Variants in RETREG1 observed in about 807,000 individuals in gnomAD.
The protein encoded by RETREG1 is reticulophagy regulator 1.
A neutral mutation model predicts 54.8 loss-of-function variants in RETREG1; 44 were observed. That is an observed-to-expected ratio of 0.80 (90% CI 0.63 to 1.03). RETREG1 has a LOEUF of 1.03. Ranked by LOEUF, RETREG1 falls within the 50% of genes least tolerant of loss-of-function variation. RETREG1 has a pLI of 0.00. For missense variants in RETREG1, 554 were observed against 605.1 expected (o/e 0.92, Z 0.89); for synonymous variants, 217 against 238.5 (o/e 0.91, Z 0.83).
At chr5:16,518,965 T>C (rs1482630283) in intron 3 of RETREG1, among the ~76,000 whole-genome samples, 1 of 152,070 alleles carries the variant, frequency 6.6e-6, no homozygotes, top group Admixed American at 6.6e-5. Context: ...GAAATAAGGG[T>C]ATGGAACTAG....
chr5:16,489,689 T>C (rs1270996467), intron 3 of RETREG1, among the ~76,000 whole-genome samples: 1 of 152,246 alleles, frequency 6.6e-6, no homozygotes, highest in Non-Finnish European at 1.5e-5. Flanking sequence ...GAGGGTTGAC[T>C]AAGGCACAGC....
intron 3 of RETREG1, among the ~76,000 whole-genome samples, chr5:16,523,282 C>T (rs575019426): frequency 2.0e-5 from 3 of 152,248 alleles, no homozygotes; most frequent in Admixed American, 6.5e-5. Flanking sequence ...TTCCAGGATA[C>T]CCAGATACCC....
intron 1 of RETREG1, among the ~76,000 whole-genome samples, chr5:16,607,957 G>C (rs1034641493): frequency 4.0e-5 from 6 of 151,740 alleles, no homozygotes; most frequent in Non-Finnish European, 8.8e-5. Flanking sequence ...TCAGCTCACT[G>C]CAACCTCTAC....
chr5:16,548,512 C>T (rs1481328601), intron 3 of RETREG1, among the ~76,000 whole-genome samples: 1 of 152,046 alleles, frequency 6.6e-6, no homozygotes, highest in African/African-American at 2.4e-5. Flanking sequence ...AATAAATGTG[C>T]ATTGTATGAC....
intron 5 of RETREG1, among the ~76,000 whole-genome samples, chr5:16,480,722 G>T (rs149468912): frequency 6.6e-6 from 1 of 152,040 alleles, no homozygotes; most frequent in African/African-American, 2.4e-5. Flanking sequence ...AAAGGTGTTG[G>T]TGTGTTTTTG....
chr5:16,539,249 G>A (rs1418968830), intron 3 of RETREG1, among the ~76,000 whole-genome samples: 2 of 152,304 alleles, frequency 1.3e-5, no homozygotes, highest in East Asian at 3.9e-4. Context: ...GATGAGCCTG[G>A]AGGAAATAAA....
At chr5:16,500,511 C>G (rs764630212) in intron 3 of RETREG1, among the ~76,000 whole-genome samples, 18 of 152,090 alleles carry the variant, frequency 1.2e-4, no homozygotes, top group Non-Finnish European at 2.5e-4. Context: ...TACACACTTG[C>G]TAGAGGAGAG....
Position 16,475,158 on chromosome 5 carries a change from T to C in RETREG1, c.1077A>G (p.Thr359=), listed in dbSNP as rs1281713280. ...CAAGGCTTAATTCATCTTCATCATTTGTTCCCATGCCATTTTCTAGAGATG... is the reference window on the plus strand; with the variant it reads ...CAAGGCTTAATTCATCTTCATCATTCGTTCCCATGCCATTTTCTAGAGATG... ...DFPSLENGMG[T]NDEDELSLGL... is the part of the protein sequence containing the mutation. The change falls in exon 9 of 9, where the codon ACA becomes ACG. Residue 359 remains threonine, a synonymous_variant. Coordinates refer to ENST00000306320, the MANE Select transcript of RETREG1 (RefSeq NM_001034850.3). 4.3e-6 allele frequency: 7 copies of C among 1,613,874 alleles called. No individual in the cohort carries two copies. The highest frequency in any genetic ancestry group is 5.9e-6 in the Non-Finnish European group (7 of 1,179,944).
chr5:16,615,918 A>C (rs1176968357), intron 1 of RETREG1: 1 of 152,278 alleles, frequency 6.6e-6, no homozygotes, highest in Non-Finnish European at 1.5e-5. Flanking sequence ...AACGGATGAC[A>C]GGACACCACT....
intron 3 of RETREG1, among the ~76,000 whole-genome samples, chr5:16,545,003 T>C (rs1741347941): frequency 6.6e-6 from 1 of 152,232 alleles, no homozygotes; most frequent in Non-Finnish European, 1.5e-5. Context: ...AAATACATTT[T>C]ACTAAAAATA....
intron 3 of RETREG1, among the ~76,000 whole-genome samples, chr5:16,492,219 TCTCTCTCTCTCA>T (rs1579600463): frequency 1.5e-5 from 2 of 136,442 alleles, no homozygotes; most frequent in East Asian, 4.0e-4. Context: ...TCTCTCTCTC[TCTCTCTCTCTCA>T]CACACACACA....
intron 3 of RETREG1, among the ~76,000 whole-genome samples, chr5:16,543,970 G>GTTT (rs750605921): frequency 3.6e-4 from 43 of 121,090 alleles, no homozygotes; most frequent in Non-Finnish European, 4.3e-4. Context: ...TTATTGCCAA[G>GTTT]TTTTTTTTTT....
At chr5:16,480,562 G>A (rs967068906) in intron 5 of RETREG1, among the ~76,000 whole-genome samples, 21 of 152,030 alleles carry the variant, frequency 1.4e-4, no homozygotes, top group Admixed American at 3.3e-4. Context: ...TACCTACCCC[G>A]CAACAGTATG....
intron 3 of RETREG1, among the ~76,000 whole-genome samples, chr5:16,547,909 T>G (rs529394268): frequency 2.6e-5 from 4 of 152,114 alleles, no homozygotes; most frequent in Non-Finnish European, 4.4e-5. Context: ...TAAAAAAAAT[T>G]CAAGCAACAC....
At chr5:16,503,354 T>A (rs995258295) in intron 3 of RETREG1, among the ~76,000 whole-genome samples, 2 of 151,890 alleles carry the variant, frequency 1.3e-5, no homozygotes, top group African/African-American at 4.8e-5. Flanking sequence ...ATGACTATGG[T>A]AGAAGAGTAG....
intron 3 of RETREG1, among the ~76,000 whole-genome samples, chr5:16,524,997 G>A (rs1431842614): frequency 1.6e-5 from 2 of 128,172 alleles, no homozygotes; most frequent in African/African-American, 3.0e-5. Flanking sequence ...TGTGTCCTCC[G>A]GTTCCTGCAG....
chr5:16,480,395 A>G (rs1337806084), intron 5 of RETREG1, among the ~76,000 whole-genome samples: 6 of 152,088 alleles, frequency 3.9e-5, no homozygotes, highest in African/African-American at 1.4e-4. Flanking sequence ...TGTATGGATT[A>G]TATTCTGCTT....
chr5:16,540,080 G>A (rs1561112117), intron 3 of RETREG1, among the ~76,000 whole-genome samples: 2 of 152,152 alleles, frequency 1.3e-5, no homozygotes, highest in African/African-American at 4.8e-5. Flanking sequence ...TAGGAATACA[G>A]ACACTCAGTG....
intron 1 of RETREG1, among the ~76,000 whole-genome samples, chr5:16,576,932 A>C (rs1485699758): frequency 6.6e-6 from 1 of 152,174 alleles, no homozygotes; most frequent in African/African-American, 2.4e-5. Flanking sequence ...AGATATTTTT[A>C]ACCAAATAAC....
Sources: allele counts gnomAD v4.1 joint callset (sites outside exome capture counted in the v4.1 genomes callset), GRCh38; gene constraint gnomAD v4.1.1; transcripts MANE v1.5; gene names NCBI Gene and HGNC (gene_info 2026-07-23, HGNC 2026-07-21).